The following CDH2 variants were observed in gnomAD, a reference collection of about 807,000 sequenced individuals.
CDH2 encodes the protein cadherin-2.
In CDH2, 17 loss-of-function variants were observed where a neutral mutation model predicts 92.0. The observed-to-expected ratio is 0.18, with a 90% CI of 0.13 to 0.28. CDH2 has a LOEUF of 0.28. CDH2 is among the 10% of genes least tolerant of loss of function. The pLI is 1.00. For synonymous variants in CDH2, 419 were observed against 415.9 expected, an observed-to-expected ratio of 1.01 and a Z score of -0.09; for missense variants, 862 against 1,133.1, an observed-to-expected ratio of 0.76 and a Z score of 3.44.
intron 2 of CDH2, among the ~76,000 whole-genome samples, chr18:28,052,869 A>G (rs1203485093): frequency 6.6e-6 from 1 of 152,206 alleles, no homozygotes; most frequent in Non-Finnish European, 1.5e-5. Context: ...AAATTCATGC[A>G]TTAAAATCTT....
At chr18:28,031,425 C>T (rs1178247085) in intron 2 of CDH2, among the ~76,000 whole-genome samples, 1 of 152,056 alleles carries the variant, frequency 6.6e-6, no homozygotes, top group African/African-American at 2.4e-5. Context: ...TCTCCTACTT[C>T]CACTCTTCAC....
chr18:28,038,578 AT>A (rs1038135648), intron 2 of CDH2, among the ~76,000 whole-genome samples: 3 of 151,890 alleles, frequency 2.0e-5, no homozygotes, highest in Non-Finnish European at 1.5e-5. Flanking sequence ...CAATGCATGC[AT>A]TTTTTGTGCA....
At chr18:28,086,666 A>G (rs7238715) in intron 2 of CDH2, among the ~76,000 whole-genome samples, 11,184 of 151,638 alleles carry the variant, frequency 0.074, 1,368 homozygotes, top group African/African-American at 0.26. Flanking sequence ...CACACACAAG[A>G]CACACTAGGG....
chr18:28,175,721 T>G lies in CDH2; in HGVS notation c.60+1242A>C, dbSNP rs75804343. On this transcript the variant is annotated intron_variant, in intron 1 of 15. Transcript: ENST00000269141. ...TGTCTCCACCCCCGGAGCAGGCACT[T>G]CCGAGCTGCGTCCGCACTTTTCGGG... Among the ~76,000 whole-genome samples, 627 of 152,228 alleles carry G rather than the reference T, an allele frequency of 4.1e-3. 19 individuals carry two copies. The East Asian group carries it at 0.073, about 18-fold the overall frequency.
chr18:27,956,217 A>C (rs11564421), intron 15 of CDH2, among the ~76,000 whole-genome samples: 14,761 of 152,092 alleles, frequency 0.097, 817 homozygotes, highest in African/African-American at 0.14. Context: ...TACAAACTAA[A>C]CGCCTGTGTT....
intron 2 of CDH2, among the ~76,000 whole-genome samples, chr18:28,138,683 T>C (rs1257350680): frequency 6.6e-6 from 1 of 152,120 alleles, no homozygotes; most frequent in African/African-American, 2.4e-5. Context: ...TGACCACTAT[T>C]GCGCAGTTCC....
At chr18:27,963,939 C>CA in intron 14 of CDH2, among the ~76,000 whole-genome samples, 1 of 147,228 alleles carries the variant, frequency 6.8e-6, no homozygotes, top group African/African-American at 2.5e-5. Context: ...ATGAAGGTTT[C>CA]AAGCCACCCT....
intron 2 of CDH2, among the ~76,000 whole-genome samples, chr18:28,030,742 AAG>A (rs1387665469): frequency 1.3e-5 from 2 of 152,038 alleles, no homozygotes; most frequent in Non-Finnish European, 2.9e-5. Context: ...GGCAGAATGA[AAG>A]AGAGATGAAA....
At chr18:28,140,449 G>C (rs1052894868) in intron 2 of CDH2, among the ~76,000 whole-genome samples, 2 of 151,918 alleles carry the variant, frequency 1.3e-5, no homozygotes, top group Admixed American at 6.6e-5. Context: ...ATAGTATTAG[G>C]AGGTGGAATT....
chr18:28,078,963 T>C (rs2014777302), intron 2 of CDH2, among the ~76,000 whole-genome samples: 1 of 152,206 alleles, frequency 6.6e-6, no homozygotes, highest in African/African-American at 2.4e-5. Context: ...TAGAGCCTAC[T>C]TTCAACTGTC....
At chr18:28,089,611 A>T (rs1203416703) in intron 2 of CDH2, among the ~76,000 whole-genome samples, 1 of 152,208 alleles carries the variant, frequency 6.6e-6, no homozygotes. Context: ...AAGCAATTTC[A>T]ATTGCAATTT....
At chr18:28,007,902 T>A (rs988542290) in intron 5 of CDH2, among the ~76,000 whole-genome samples, 1 of 152,112 alleles carries the variant, frequency 6.6e-6, no homozygotes, top group African/African-American at 2.4e-5. Context: ...GATAATTTTA[T>A]TTTTTATTTT....
intron 1 of CDH2, among the ~76,000 whole-genome samples, chr18:28,172,194 A>G (rs2144372159): frequency 6.6e-6 from 1 of 152,130 alleles, no homozygotes; most frequent in Non-Finnish European, 1.5e-5. Flanking sequence ...GTGAGCGACA[A>G]GGAATAAAAA....
At position 28,056,613 on chromosome 18, in the gene CDH2, C is replaced by T. The variant is rs1272758411; in HGVS notation, c.173-42704G>A. Among the ~76,000 whole-genome samples, 6 of 152,154 alleles carry T rather than the reference C, an allele frequency of 3.9e-5. No individual in the cohort carries two copies. In the East Asian group the frequency reaches 1.2e-3, roughly 29 times the overall value. ...GGCTAAATAAACGACTATTATTTCA[C>T]AGTGACCTGTGATCCCATTTTGATC... On this transcript the variant is annotated intron_variant, in intron 2 of 15. Transcript: ENST00000269141.
intron 2 of CDH2, among the ~76,000 whole-genome samples, chr18:28,083,859 ATGG>A (rs1283010983): frequency 6.6e-6 from 1 of 152,204 alleles, no homozygotes; most frequent in Non-Finnish European, 1.5e-5. Flanking sequence ...AGAAAACACT[ATGG>A]TGGCTTGTGA....
At chr18:28,164,073 T>C (rs2016344051) in intron 1 of CDH2, among the ~76,000 whole-genome samples, 1 of 152,212 alleles carries the variant, frequency 6.6e-6, no homozygotes, top group African/African-American at 2.4e-5. Context: ...TAGACTCCTC[T>C]ATATCGTATC....
intron 2 of CDH2, among the ~76,000 whole-genome samples, chr18:28,071,943 G>A (rs1316198126): frequency 1.3e-5 from 2 of 152,090 alleles, no homozygotes; most frequent in Non-Finnish European, 1.5e-5. Flanking sequence ...AAGATCCTAG[G>A]AACTCAAGTT....
rs543281200 is a variant in CDH2, at chr18:28,095,649, C to T, written c.172+52024G>A. 1.3e-3 allele frequency among the ~76,000 whole-genome samples: 195 copies of T among 151,808 alleles called. 1 individual carries two copies. The highest frequency in any genetic ancestry group is 4.5e-3 in the African/African-American group (186 of 41,422). On this transcript the variant is annotated intron_variant, in intron 2 of 15. Coordinates refer to ENST00000269141, the MANE Select transcript of CDH2 (RefSeq NM_001792.5). ...CCTTGGCAACACGGTAAAACCCCATCGCCACTAAAAATTAGCTGTGCATGA... is the reference window on the plus strand; with the variant it reads ...CCTTGGCAACACGGTAAAACCCCATTGCCACTAAAAATTAGCTGTGCATGA...
chr18:28,130,466 A>T (rs1020687939), intron 2 of CDH2, among the ~76,000 whole-genome samples: 1 of 152,260 alleles, frequency 6.6e-6, no homozygotes, highest in African/African-American at 2.4e-5. Flanking sequence ...ATCGTGATGT[A>T]AAATGTATTT....
Sources: allele counts gnomAD v4.1 joint callset (sites outside exome capture counted in the v4.1 genomes callset), GRCh38; gene constraint gnomAD v4.1.1; transcripts MANE v1.5; gene names NCBI Gene and HGNC (gene_info 2026-07-23, HGNC 2026-07-21).